PLAA: variants seen among roughly 807,000 people sequenced by gnomAD.
The protein encoded by PLAA is phospholipase A-2-activating protein.
PLAA carries 48 observed loss-of-function variants against 84.1 expected under a neutral mutation model. The observed-to-expected ratio is 0.57, with a 90% confidence interval of 0.45 to 0.73. The LOEUF (loss-of-function observed/expected upper bound fraction) is 0.73. Among genes scored for constraint, PLAA ranks in the 30% least tolerant of loss-of-function variants. The probability of loss-of-function intolerance (pLI) is 0.00; values close to 1 mark genes in which losing one functional copy is unlikely to be tolerated. For missense variants in PLAA, 903 were observed against 954.7 expected, an observed-to-expected ratio of 0.95 and a Z score of 0.71; for synonymous variants, 392 against 336.6, an observed-to-expected ratio of 1.16 and a Z score of -1.80.
chr9:26,939,302 G>C (rs1825450246), intron 1 of PLAA, among the ~76,000 whole-genome samples: 1 of 151,766 alleles, frequency 6.6e-6, no homozygotes, highest in Non-Finnish European at 1.5e-5. Context: ...GCAGGAGAAT[G>C]GCGTGAACCC....
chr9:26,918,288 A>ATTTTTTTT (rs1185916022), intron 9 of PLAA, among the ~76,000 whole-genome samples: 2 of 95,728 alleles, frequency 2.1e-5, no homozygotes, highest in Non-Finnish European at 2.2e-5. Context: ...AATTTTTTGT[A>ATTTTTTTT]TTTTTTTTTT....
At chr9:26,943,739 G>C (rs1348406854) in intron 1 of PLAA, among the ~76,000 whole-genome samples, 2 of 152,052 alleles carry the variant, frequency 1.3e-5, no homozygotes, top group South Asian at 2.1e-4. Context: ...TTAAGCCCAG[G>C]AGTTTGAGAC....
Position 26,935,044 on chromosome 9 carries a change from T to C in PLAA, c.312A>G (p.Pro104=), listed in dbSNP as rs747107659. Residue 104 remains proline, a synonymous_variant, in exon 2 of 14, where the codon CCA becomes CCG. Coordinates refer to ENST00000397292, the MANE Select transcript of PLAA (RefSeq NM_001031689.3). Reference sequence around the variant, plus strand: ...TTTTGTGGCCTTTTAGAATATAAAGTGGCATTGGACTGTCCAGTGAGAAAA... The same window carrying C: ...TTTTGTGGCCTTTTAGAATATAAAGCGGCATTGGACTGTCCAGTGAGAAAA... ...ICIFSLDSPM[P]LYILKGHKNT... 6.2e-7 allele frequency: 1 copy of C among 1,600,624 alleles called. No homozygotes were observed. Among genetic ancestry groups the C allele is most frequent in the South Asian group, 1.1e-5 (1 of 87,572 alleles).
rs773630798 is a variant in PLAA, at chr9:26,920,368, C to T, written c.1056G>A (p.Gln352=). 3.1e-6 allele frequency: 5 copies of T among 1,611,196 alleles called. No homozygotes were observed. Among genetic ancestry groups the T allele is most frequent in the Non-Finnish European group, 3.4e-6 (4 of 1,178,012 alleles). The change falls in exon 8 of 14, where the codon CAG becomes CAA. Residue 352 remains glutamine, a synonymous_variant. Transcript: ENST00000397292. ...TCTCCCCATCTCTGATTAGACGAGTCTGTCCTTCTCTAGTACCTTAAAATA... is the reference window on the plus strand; with the variant it reads ...TCTCCCCATCTCTGATTAGACGAGTTTGTCCTTCTCTAGTACCTTAAAATA... ...HLNEPGTREG[Q]TRLIRDGEKV...
At chr9:26,944,135 G>A (rs1290833042) in intron 1 of PLAA, among the ~76,000 whole-genome samples, 1 of 152,166 alleles carries the variant, frequency 6.6e-6, no homozygotes, top group African/African-American at 2.4e-5. Flanking sequence ...CTGGGTTAGA[G>A]AGTGGCTTTG....
At chr9:26,941,481 G>C (rs1442743102) in intron 1 of PLAA, among the ~76,000 whole-genome samples, 1 of 152,066 alleles carries the variant, frequency 6.6e-6, no homozygotes, top group Non-Finnish European at 1.5e-5. Flanking sequence ...CAGGAGCACA[G>C]ATCTCCCAGG....
chr9:26,927,085 G>A (rs1159489670), intron 4 of PLAA, among the ~76,000 whole-genome samples: 1 of 150,770 alleles, frequency 6.6e-6, no homozygotes, highest in Non-Finnish European at 1.5e-5. Flanking sequence ...AGGATGTTTA[G>A]TCATCATCCA....
At chr9:26,906,108 GA>G in intron 13 of PLAA, 32 bp from the exon 14 acceptor site, 1 of 1,302,772 alleles carries the variant, frequency 7.7e-7, no homozygotes, top group Non-Finnish European at 1.0e-6. Context: ...TAATGCTTAT[GA>G]AAATAAAGAA....
Position 26,946,920 on chromosome 9 carries a change from G to T in PLAA, c.126C>A (p.Thr42=). The T allele has an allele frequency of 6.3e-7, 1 of 1,578,314 alleles. No individual in the cohort carries two copies. The highest frequency in any genetic ancestry group is 2.3e-5 in the East Asian group (1 of 42,958). Residue 42 remains threonine (T), a synonymous_variant, in exon 1 of 14, where the codon ACC becomes ACA. Coordinates refer to ENST00000397292, the MANE Select transcript of PLAA (RefSeq NM_001031689.3). ...GAFVSVSRDR[T]TRLWAPDSPN... ...ACCTGTCTGGGGCCCAGAGGCGGGTGGTGCGGTCTCGGGACACGGACACAA... is the reference window on the plus strand; with the variant it reads ...ACCTGTCTGGGGCCCAGAGGCGGGTTGTGCGGTCTCGGGACACGGACACAA...
At position 26,933,788 on chromosome 9, in the gene PLAA, C is replaced by T. The variant is rs551450478; in HGVS notation, c.343+1225G>A. Among the ~76,000 whole-genome samples, 846 of 89,302 alleles carry T rather than the reference C, an allele frequency of 9.5e-3. 5 individuals carry two copies. The highest frequency in any genetic ancestry group is 0.014 in the Non-Finnish European group (604 of 42,430). The allele number at this position is 89,302 out of a possible 152,430, so 58.6% of individuals were successfully genotyped here. The stretch of plus-strand genomic sequence containing the variant: ...TGGGCGACAGAGCGAGACTCTGCCT[C>T]AAAAAAAAAAAAAAAAAAAAAAAAA... On this transcript the variant is annotated intron_variant, in intron 2 of 13. Transcript: ENST00000397292.
At position 26,935,816 on chromosome 9, in the gene PLAA, A is replaced by G. The variant is rs114695138; in HGVS notation, c.150-610T>C. 7.2e-3 allele frequency among the ~76,000 whole-genome samples: 1,086 copies of G among 151,608 alleles called. 14 individuals are homozygous for G. Among genetic ancestry groups the G allele is most frequent in the African/African-American group, 0.025 (1,027 of 41,412 alleles). On this transcript the variant is annotated intron_variant, in intron 1 of 13. Transcript: ENST00000397292. ...TAAAACAAATAAACAAAAAAACCCC[A>G]CCTAATACAGAAATATATAAATGGC...
chr9:26,912,917 T>C (rs979257637), intron 11 of PLAA, among the ~76,000 whole-genome samples: 17 of 152,112 alleles, frequency 1.1e-4, no homozygotes, highest in Admixed American at 2.0e-4. Context: ...AATTAAAAAA[T>C]AGCTTACAAA....
At chr9:26,925,680 T>C in intron 6 of PLAA, 145 bp downstream of exon 6, 2 of 637,266 alleles carry the variant, frequency 3.1e-6, no homozygotes, top group Non-Finnish European at 5.5e-6. Flanking sequence ...AGCTATAATA[T>C]CTACTACTGT....
intron 10 of PLAA, chr9:26,915,994 G>A: frequency 1.0e-6 from 1 of 985,290 alleles, no homozygotes; most frequent in East Asian, 1.1e-4. Flanking sequence ...TGTTATCAAA[G>A]ACTTCCTTAA....
rs1825762357 is a variant in PLAA at position 26,947,171 on chromosome 9, G to A, written c.-126C>T. On this transcript the variant is annotated 5_prime_UTR_variant, in exon 1 of 14. Coordinates refer to ENST00000397292, the MANE Select transcript of PLAA (RefSeq NM_001031689.3). ...GGTAAGGGGCGGCCGGAGACCGGAA[G>A]AGCCCGAGAGCCGGTACGGAAGGGC... 2.9e-5 allele frequency: 33 copies of A among 1,135,946 alleles called. No individual in the cohort carries two copies. The highest frequency in any genetic ancestry group is 3.9e-5 in the Non-Finnish European group (33 of 846,886). The allele number at this position is 1,135,946 out of a possible 1,614,324, so 70.4% of individuals were successfully genotyped here.
At chr9:26,909,155 C>T (rs886252215) in intron 12 of PLAA, among the ~76,000 whole-genome samples, 67 of 151,980 alleles carry the variant, frequency 4.4e-4, no homozygotes, top group African/African-American at 1.6e-3. Context: ...ATAAAAAAGT[C>T]CAAATTCCGA....
At chr9:26,936,405 G>A (rs187395615) in intron 1 of PLAA, among the ~76,000 whole-genome samples, 3 of 152,120 alleles carry the variant, frequency 2.0e-5, no homozygotes, top group East Asian at 1.9e-4. Flanking sequence ...CTGGGAAGTC[G>A]GCAGAGTCGG....
chr9:26,942,303 AAAC>A (rs1414209000), intron 1 of PLAA, among the ~76,000 whole-genome samples: 2 of 152,236 alleles, frequency 1.3e-5, no homozygotes, highest in African/African-American at 2.4e-5. Flanking sequence ...GTTGTTTTGG[AAAC>A]AACAATGAAG....
chr9:26,913,917 C>A lies in PLAA; in HGVS notation c.1517G>T (p.Ser506Ile), dbSNP rs750010407. The A allele has an allele frequency of 2.5e-6, 4 of 1,612,400 alleles. No homozygotes were observed. Among genetic ancestry groups the A allele is most frequent in the Non-Finnish European group, 3.4e-6 (4 of 1,178,500 alleles). ...GAGRYVPGSA[S>I]MGTTMAGVDP... ...AACTCCGGCCATGGTAGTTCCCATA[C>A]TTGCAGAACCTGGTACATAACGACC... Residue 506 changes from serine (S) to isoleucine (I), a missense_variant, in exon 11 of 14, where the codon AGT (serine) becomes ATT (isoleucine). Transcript: ENST00000397292.
Sources: allele counts gnomAD v4.1 joint callset (sites outside exome capture counted in the v4.1 genomes callset), GRCh38; gene constraint gnomAD v4.1.1; transcripts MANE v1.5; gene names NCBI Gene and HGNC (gene_info 2026-07-23, HGNC 2026-07-21).